TRANK1: variants seen among roughly 807,000 people sequenced by gnomAD.
TRANK1 encodes TPR and ankyrin repeat-containing protein 1.
TRANK1 carries 198 observed loss-of-function variants against 266.0 expected under a neutral mutation model. The ratio of observed to expected loss-of-function variants is 0.74; its 90% CI spans 0.66 to 0.84. The LOEUF (loss-of-function observed/expected upper bound fraction) is 0.84, where lower values mean the gene tolerates loss of function less well. Among genes scored for constraint, TRANK1 ranks in the 40% least tolerant of loss-of-function variants. TRANK1 has a pLI of 0.00. For missense variants in TRANK1, 3,326 were observed against 3,634.6 expected, an observed-to-expected ratio of 0.92 and a Z score of 2.18; for synonymous variants, 1,396 against 1,384.1, an observed-to-expected ratio of 1.01 and a Z score of -0.19.
chr3:36,912,787 T>G (rs189515428), intron 1 of TRANK1, among the ~76,000 whole-genome samples: 1 of 152,334 alleles, frequency 6.6e-6, no homozygotes, highest in East Asian at 1.9e-4. Flanking sequence ...ATGGAGGGGT[T>G]ATTACTGAAA....
chr3:36,941,269 T>A (rs2080492590), intron 1 of TRANK1, among the ~76,000 whole-genome samples: 1 of 152,046 alleles, frequency 6.6e-6, no homozygotes. Flanking sequence ...AAAATCCCAA[T>A]CAAAATGTTG....
chr3:36,864,248 C>T lies in TRANK1; in HGVS notation c.1240+71G>A. 3 of 1,373,680 alleles carry T rather than the reference C, an allele frequency of 2.2e-6. No homozygotes were observed. The South Asian group carries it at 4.8e-5, about 22-fold the overall frequency. The allele number at this position is 1,373,680 out of a possible 1,614,324, so 85.1% of individuals were successfully genotyped here. On this transcript the variant is annotated intron_variant, in intron 10 of 23. Coordinates refer to ENST00000645898, the MANE Select transcript of TRANK1 (RefSeq NM_001329998.2). ...TTATTTTTTAAAATTAATTTCTGAA[C>T]AGATATTAGAAAAGAATTTTAATGA...
At chr3:36,864,290 A>T (rs1030128913) in intron 10 of TRANK1, 29 bp downstream of exon 10, 1 of 1,472,102 alleles carries the variant, frequency 6.8e-7, no homozygotes, top group African/African-American at 1.4e-5. Flanking sequence ...ATCATTTTTA[A>T]CATCATTGAA....
intron 10 of TRANK1, among the ~76,000 whole-genome samples, chr3:36,863,589 C>T (rs994775993): frequency 6.6e-5 from 10 of 152,204 alleles, no homozygotes; most frequent in African/African-American, 2.2e-4. Flanking sequence ...ATTTTATGTG[C>T]AGGACATTAG....
intron 3 of TRANK1, among the ~76,000 whole-genome samples, chr3:36,900,954 T>C (rs1358505399): frequency 6.6e-6 from 1 of 151,618 alleles, no homozygotes; most frequent in Admixed American, 6.6e-5. Context: ...TTTCTGGCTA[T>C]TTAATGATTT....
At chr3:36,838,242 G>A (rs766068998) in intron 20 of TRANK1, 130 bp downstream of exon 20, 18 of 1,391,854 alleles carry the variant, frequency 1.3e-5, no homozygotes, top group Admixed American at 4.7e-5. Context: ...CCTTAGAGTC[G>A]CAGGGCCAGT....
rs1392558710 is a variant in TRANK1, at chr3:36,829,653, G to A, written c.8720C>T (p.Ala2907Val). The change falls in exon 23 of 24, where the codon GCG becomes GTG. Residue 2907 changes from alanine to valine, a missense_variant. Ala to Val is a moderately conservative substitution (Grantham distance 64). Transcript: ENST00000645898. ...CAGAATGTTGACCAGCCGAGTCATCGCCTCCTCCGCTTCAGAAACCAAAGA... is the reference window on the plus strand; with the variant it reads ...CAGAATGTTGACCAGCCGAGTCATCACCTCCTCCGCTTCAGAAACCAAAGA... The part of the protein sequence containing the change: ...RRKAWAGAEE[A>V]MTRLVNILIL... The A allele has an allele frequency of 5.6e-6, 9 of 1,613,510 alleles. No individual in the cohort carries two copies. Among genetic ancestry groups the A allele is most frequent in the South Asian group, 2.2e-5 (2 of 91,078 alleles).
At chr3:36,892,847 CAAAACAT>C (rs983753817) in intron 6 of TRANK1, 47 bp downstream of exon 6, 32 of 739,768 alleles carry the variant, frequency 4.3e-5, no homozygotes, top group East Asian at 2.8e-4. Context: ...CAAAACAAAA[CAAAACAT>C]ATATATATAT....
Position 36,830,920 on chromosome 3 carries a change from AC to A in TRANK1, c.8662del (p.Val2888PhefsTer21), listed in dbSNP as rs751281243. 4 of 1,613,070 alleles carry A rather than the reference AC, an allele frequency of 2.5e-6. No individual in the cohort carries two copies. ...LQKVQEHIKR[V>X]SDMVEDLYRR... ...GTAGAGGTCCTCCACCATATCCGAAACCCTCTTGATGTGCTCCTGGACCTTC... is the reference window on the plus strand; with the variant it reads ...GTAGAGGTCCTCCACCATATCCGAAACCTCTTGATGTGCTCCTGGACCTTC... On this transcript the variant is annotated frameshift_variant, in exon 22 of 24. Transcript: ENST00000645898. LOFTEE classifies it high-confidence loss of function.
At chr3:36,874,059 T>C (rs977477415) in intron 9 of TRANK1, 67 bp downstream of exon 9, 8 of 1,404,106 alleles carry the variant, frequency 5.7e-6, no homozygotes, top group African/African-American at 1.4e-5. Context: ...AGAGATAAAC[T>C]GATTTGTATC....
At position 36,857,872 on chromosome 3, in the gene TRANK1, A is replaced by G; in HGVS notation, c.1850T>C (p.Phe617Ser). The G allele has an allele frequency of 6.2e-7, 1 of 1,613,222 alleles. No homozygotes were observed. Among genetic ancestry groups the G allele is most frequent in the Non-Finnish European group, 8.5e-7 (1 of 1,179,894 alleles). ...GTTCTTCAGATTGAAGTTGATGTCA[A>G]ACTTCACCAGCAGGTCTAACAGCTT... ...VKKLLDLLVK[F>S]DINFNLKNKE... is the part of the protein sequence containing the mutation. Residue 617 changes from phenylalanine to serine, a missense_variant, in exon 13 of 24, where the codon TTT becomes TCT. Physicochemically the swap from Phe to Ser is radical, Grantham distance 155. Coordinates refer to ENST00000645898, the MANE Select transcript of TRANK1 (RefSeq NM_001329998.2). This position sits in a 1 kb window ranked among gnomAD's most constrained non-coding sequence, Gnocchi z 4.3.
At chr3:36,896,498 G>A (rs372727677) in intron 4 of TRANK1, among the ~76,000 whole-genome samples, 2 of 152,178 alleles carry the variant, frequency 1.3e-5, no homozygotes, top group African/African-American at 4.8e-5. Context: ...GAAACTGGGC[G>A]ACGCCAATTT....
intron 20 of TRANK1, among the ~76,000 whole-genome samples, chr3:36,838,136 C>T (rs1300877210): frequency 6.6e-6 from 1 of 152,142 alleles, no homozygotes; most frequent in African/African-American, 2.4e-5. Flanking sequence ...TGAATATTAA[C>T]ACAGACATTA....
In TRANK1 at chr3:36,879,665, TATATATAAATATATAA is replaced by T. The variant is rs1201600631; in HGVS notation, c.908-5385_908-5370del. On this transcript the variant is annotated intron_variant, in intron 8 of 23. Coordinates refer to ENST00000645898, the MANE Select transcript of TRANK1 (RefSeq NM_001329998.2). ...ATACAAATATATATAAATATATAAATATATATAAATATATAAATATATAAATATATAAATATAAATA... is the reference window on the plus strand; with the variant it reads ...ATACAAATATATATAAATATATAAATATATATAAATATATAAATATAAATA... Among the ~76,000 whole-genome samples the T allele has an allele frequency of 7.3e-5, 4 of 55,078 alleles. 1 individual carries two copies. Among genetic ancestry groups the T allele is most frequent in the African/African-American group, 1.6e-4 (2 of 12,572 alleles). The allele number at this position is 55,078 out of a possible 152,430, so 36.1% of individuals were successfully genotyped here.
intron 1 of TRANK1, among the ~76,000 whole-genome samples, chr3:36,933,682 G>T (rs2080389354): frequency 6.6e-6 from 1 of 152,240 alleles, no homozygotes; most frequent in Non-Finnish European, 1.5e-5. Context: ...ATGGGCCATG[G>T]TGATCCCTGC....
chr3:36,939,817 AAC>A (rs746612651), intron 1 of TRANK1, among the ~76,000 whole-genome samples: 22 of 152,304 alleles, frequency 1.4e-4, no homozygotes, highest in Non-Finnish European at 2.8e-4. Context: ...TAATATATGA[AAC>A]ACAACTCAGA....
chr3:36,917,170 A>G (rs1346377186), intron 1 of TRANK1, among the ~76,000 whole-genome samples: 1 of 152,062 alleles, frequency 6.6e-6, no homozygotes, highest in Non-Finnish European at 1.5e-5. Context: ...TCACACCCAC[A>G]CACACACACA....
intron 5 of TRANK1, among the ~76,000 whole-genome samples, chr3:36,894,607 G>A (rs2079760746): frequency 6.6e-6 from 1 of 152,126 alleles, no homozygotes; most frequent in Admixed American, 6.6e-5. Flanking sequence ...ACTCCAGGAG[G>A]TTTCCCATGA....
chr3:36,828,064 G>C lies in TRANK1; in HGVS notation c.*211C>G, dbSNP rs1020886009. The C allele has an allele frequency of 1.9e-6, 1 of 522,126 alleles. No homozygotes were observed. The highest frequency in any genetic ancestry group is 3.4e-6 in the Non-Finnish European group (1 of 290,512). The allele number at this position is 522,126 out of a possible 1,614,324, so 32.3% of individuals were successfully genotyped here. On this transcript the variant is annotated 3_prime_UTR_variant, in exon 24 of 24. Transcript: ENST00000645898. ...TTTGTGGGGGAAACTAATACTGCCAGACTCTACTTGGAAACACTTTAGAGG... is the reference window on the plus strand; with the variant it reads ...TTTGTGGGGGAAACTAATACTGCCACACTCTACTTGGAAACACTTTAGAGG...
Sources: allele counts gnomAD v4.1 joint callset (sites outside exome capture counted in the v4.1 genomes callset), GRCh38; gene constraint gnomAD v4.1.1; non-coding constraint Gnocchi (gnomAD v3.1); transcripts MANE v1.5; gene names NCBI Gene and HGNC (gene_info 2026-07-23, HGNC 2026-07-21).